Variants in SMOX observed in about 807,000 individuals in gnomAD.
SMOX encodes the protein spermine oxidase.
SMOX carries 22 observed loss-of-function variants against 51.0 expected under a neutral mutation model. The observed-to-expected ratio is 0.43, with a 90% CI of 0.31 to 0.62. SMOX has a LOEUF of 0.62. SMOX is among the 20% of genes least tolerant of loss of function. SMOX has a pLI of 0.10. For synonymous variants in SMOX, 282 were observed against 307.8 expected (o/e 0.92, Z 0.88); for missense variants, 566 against 777.7 (o/e 0.73, Z 3.24).
At chr20:4,155,170 C>T (rs1283028821) in intron 1 of SMOX, among the ~76,000 whole-genome samples, 1 of 152,106 alleles carries the variant, frequency 6.6e-6, no homozygotes, top group Non-Finnish European at 1.5e-5. Flanking sequence ...CCAGCCAGGG[C>T]GGGGCCGAGA....
intron 1 of SMOX, among the ~76,000 whole-genome samples, chr20:4,164,682 T>C (rs1300797738): frequency 2.0e-5 from 3 of 152,168 alleles, no homozygotes; most frequent in African/African-American, 7.2e-5. Flanking sequence ...CTGTGGTGAC[T>C]TGGGTGCCTC....
chr20:4,176,845 T>C (rs1214584177), intron 2 of SMOX, among the ~76,000 whole-genome samples: 1 of 152,188 alleles, frequency 6.6e-6, no homozygotes, highest in African/African-American at 2.4e-5. Flanking sequence ...GATTGCTTTT[T>C]GGGGGAATCT....
intron 3 of SMOX, among the ~76,000 whole-genome samples, chr20:4,179,850 G>A (rs937031293): frequency 6.6e-6 from 1 of 152,178 alleles, no homozygotes; most frequent in Non-Finnish European, 1.5e-5. Context: ...AGTATTATTA[G>A]CTGTCACAGA....
At chr20:4,174,925 C>A (rs1421669810) in intron 1 of SMOX, 105 bp from the exon 2 acceptor site, 2 of 1,174,838 alleles carry the variant, frequency 1.7e-6, no homozygotes, top group Non-Finnish European at 2.5e-6. Flanking sequence ...CAGGTCCCCC[C>A]ACCCACAACA....
At position 4,183,108 on chromosome 20, in the gene SMOX, C is replaced by G. The variant is rs574468340; in HGVS notation, c.1369+260C>G. The G allele has an allele frequency of 1.7e-6, 1 of 595,444 alleles. No homozygotes were observed. Among genetic ancestry groups the G allele is most frequent in the South Asian group, 2.1e-5 (1 of 47,836 alleles). 36.9% of individuals were successfully genotyped at this position (595,444 alleles called of 1,614,324 possible). ...CTGATGGTAAAACACTCAGAGATCA[C>G]CGCCCATTGTGCTCTGTTGCTAAGA... On this transcript the variant is annotated intron_variant, in intron 5 of 6. Transcript: ENST00000305958. This position sits in a 1 kb window ranked among gnomAD's most constrained non-coding sequence, Gnocchi z 4.3.
chr20:4,181,735 T>A lies in SMOX; in HGVS notation c.436-68T>A. 6.4e-7 allele frequency: 1 copy of A among 1,563,380 alleles called. No individual in the cohort carries two copies. The highest frequency in any genetic ancestry group is 8.7e-7 in the Non-Finnish European group (1 of 1,151,066). ...ACACCTGGGAACTGGTGGGTTTGGG[T>A]TGGGGGCCTTCTGTTTGAGATGGAG... On this transcript the variant is annotated intron_variant, in intron 3 of 6. Coordinates refer to ENST00000305958, the MANE Select transcript of SMOX (RefSeq NM_175839.3). The surrounding 1 kb of genome is among the most constrained non-coding windows in gnomAD (Gnocchi z 5.6).
At position 4,155,087 on chromosome 20, in the gene SMOX, G is replaced by A. The variant is rs112158341; in HGVS notation, c.-27+6110G>A. 3.1e-3 allele frequency among the ~76,000 whole-genome samples: 477 copies of A among 152,228 alleles called. 10 individuals carry two copies. The highest frequency in any genetic ancestry group is 9.1e-3 in the African/African-American group (377 of 41,530). On this transcript the variant is annotated intron_variant, in intron 1 of 6. Coordinates refer to ENST00000305958, the MANE Select transcript of SMOX (RefSeq NM_175839.3). ...GGGCAGGGTGACATGCAGACAGCAC[G>A]GAGGGCACCTTATCTCTGTCCACAG...
chr20:4,164,384 G>A (rs1986463353), intron 1 of SMOX, among the ~76,000 whole-genome samples: 2 of 152,166 alleles, frequency 1.3e-5, no homozygotes, highest in Non-Finnish European at 2.9e-5. Context: ...ATCTGCATGC[G>A]TTGTCACACA....
chr20:4,179,433 G>A lies in SMOX; in HGVS notation c.435+1856G>A, dbSNP rs529396815. ...ATGTTTTGAGTCAAAAGGATAAGGC[G>A]TAACCCTGATGTCAAGATTTCTTTG... On this transcript the variant is annotated intron_variant, in intron 3 of 6. Coordinates refer to ENST00000305958, the MANE Select transcript of SMOX (RefSeq NM_175839.3). Among the ~76,000 whole-genome samples, 17 of 152,256 alleles carry A rather than the reference G, an allele frequency of 1.1e-4. No homozygotes were observed. The South Asian group carries it at 3.1e-3, about 28-fold the overall frequency.
intron 6 of SMOX, chr20:4,186,744 A>G (rs893695126): frequency 1.8e-5 from 14 of 780,874 alleles, no homozygotes; most frequent in Non-Finnish European, 3.1e-5. Context: ...CCTCACCAGC[A>G]TGGAAGCTCC....
intron 1 of SMOX, among the ~76,000 whole-genome samples, chr20:4,159,573 A>G (rs1986213580): frequency 1.3e-5 from 2 of 152,198 alleles, no homozygotes; most frequent in African/African-American, 4.8e-5. Context: ...ATTCCACACA[A>G]AATGCTTGGC....
At chr20:4,175,727 G>A (rs1978783187) in intron 2 of SMOX, among the ~76,000 whole-genome samples, 1 of 152,268 alleles carries the variant, frequency 6.6e-6, no homozygotes, top group Non-Finnish European at 1.5e-5. Flanking sequence ...TGATGGGCAG[G>A]TCTTGGGATT....
At chr20:4,176,868 T>G (rs536897097) in intron 2 of SMOX, among the ~76,000 whole-genome samples, 1 of 152,254 alleles carries the variant, frequency 6.6e-6, no homozygotes, top group Non-Finnish European at 1.5e-5. Flanking sequence ...CAAACTGGGA[T>G]GTTTGGACTT....
rs564375910 is a variant in SMOX at position 4,149,809 on chromosome 20, G to A, written c.-27+832G>A. Among the ~76,000 whole-genome samples the A allele has an allele frequency of 6.6e-6, 1 of 152,344 alleles. No homozygotes were observed. Among genetic ancestry groups the A allele is most frequent in the African/African-American group, 2.4e-5 (1 of 41,578 alleles). On this transcript the variant is annotated intron_variant, in intron 1 of 6. Transcript: ENST00000305958. This position sits in a 1 kb window ranked among gnomAD's most constrained non-coding sequence, Gnocchi z 6.0. ...CAGGTTGTTTGCAGAACCTGCTGTTGGTGGCACATCACGTACCAGTCTGTG... is the reference window on the plus strand; with the variant it reads ...CAGGTTGTTTGCAGAACCTGCTGTTAGTGGCACATCACGTACCAGTCTGTG...
chr20:4,187,126 C>T lies in SMOX; in HGVS notation c.1531-144C>T, dbSNP rs763016938. 142 of 1,102,434 alleles carry T rather than the reference C, an allele frequency of 1.3e-4. No individual in the cohort carries two copies. The highest frequency in any genetic ancestry group is 1.8e-4 in the Non-Finnish European group (140 of 790,736). 68.3% of individuals were successfully genotyped at this position (1,102,434 alleles called of 1,614,324 possible). A position where few individuals can be genotyped will look rare whatever the true frequency, so the allele number is the denominator to read the frequency against. On this transcript the variant is annotated intron_variant, in intron 6 of 6. Coordinates refer to ENST00000305958, the MANE Select transcript of SMOX (RefSeq NM_175839.3). This position sits in a 1 kb window ranked among gnomAD's most constrained non-coding sequence, Gnocchi z 4.8. ...TGGCCAGATAGGATGGGCAGCTCTT[C>T]ATCCTGTGGAAGCAGCAGCACCTGC...
At chr20:4,165,594 T>C (rs1348719547) in intron 1 of SMOX, among the ~76,000 whole-genome samples, 1 of 152,142 alleles carries the variant, frequency 6.6e-6, no homozygotes, top group Non-Finnish European at 1.5e-5. Context: ...ATCCAGACCA[T>C]GGGGTCTTAT....
intron 6 of SMOX, among the ~76,000 whole-genome samples, chr20:4,185,661 C>CAAAT (rs1186805508): frequency 2.9e-5 from 3 of 102,732 alleles, no homozygotes; most frequent in African/African-American, 6.0e-5. Context: ...CACACACACA[C>CAAAT]AAATAAATAA....
rs1404147042 is a variant in SMOX at position 4,177,502 on chromosome 20, G to A, written c.360G>A (p.Val120=). The change falls in exon 3 of 7, where the codon GTG becomes GTA. Residue 120 remains valine (V), a synonymous_variant. Transcript: ENST00000305958. The surrounding 1 kb of genome is among the most constrained non-coding windows in gnomAD (Gnocchi z 4.3). ...TCAGCCTCTATTCCAAGAATGGCGT[G>A]GCCTGCTACCTTACCAACCACGGCC... is the stretch of plus-strand genomic sequence containing the variant. The part of the protein sequence containing the change: ...GRISLYSKNG[V]ACYLTNHGRR... 4.4e-6 allele frequency: 7 copies of A among 1,591,836 alleles called. No homozygotes were observed. The highest frequency in any genetic ancestry group is 6.0e-6 in the Non-Finnish European group (7 of 1,168,052).
chr20:4,158,654 C>A (rs1200859893), intron 1 of SMOX, among the ~76,000 whole-genome samples: 1 of 152,184 alleles, frequency 6.6e-6, no homozygotes, highest in Non-Finnish European at 1.5e-5. Context: ...CACATGGGTC[C>A]TGTCTTCCCC....
Sources: allele counts gnomAD v4.1 joint callset (sites outside exome capture counted in the v4.1 genomes callset), GRCh38; gene constraint gnomAD v4.1.1; non-coding constraint Gnocchi (gnomAD v3.1); transcripts MANE v1.5; gene names NCBI Gene and HGNC (gene_info 2026-07-23, HGNC 2026-07-21).